AUTS2: variants seen among roughly 807,000 people sequenced by gnomAD.
The protein encoded by AUTS2 is activator of transcription and developmental regulator AUTS2, also known as autism susceptibility gene 2 protein.
In AUTS2, 17 loss-of-function variants were observed where a neutral mutation model predicts 112.4. The ratio of observed to expected loss-of-function variants is 0.15; its 90% CI spans 0.10 to 0.23. The LOEUF is 0.23. AUTS2 is among the 10% of genes least tolerant of loss of function. The pLI is 1.00. For missense variants in AUTS2, 1,510 were observed against 1,701.6 expected (o/e 0.89, Z 1.98); for synonymous variants, 751 against 702.7 (o/e 1.07, Z -1.09).
intron 5 of AUTS2, among the ~76,000 whole-genome samples, chr7:70,556,238 T>C (rs1311458248): frequency 6.6e-6 from 1 of 152,172 alleles, no homozygotes; most frequent in Non-Finnish European, 1.5e-5. Flanking sequence ...CCTCACTCAC[T>C]GTTATGAGGA....
intron 5 of AUTS2, among the ~76,000 whole-genome samples, chr7:70,647,748 C>T (rs1233468627): frequency 3.3e-5 from 5 of 152,192 alleles, no homozygotes; most frequent in Non-Finnish European, 7.3e-5. Context: ...CCTCCCTATT[C>T]CCTGAAGCTA....
intron 1 of AUTS2, among the ~76,000 whole-genome samples, chr7:69,868,562 C>T: frequency 6.6e-6 from 1 of 152,168 alleles, no homozygotes; most frequent in Non-Finnish European, 1.5e-5. Context: ...AAATCTTCCT[C>T]AGACCACATA....
chr7:69,853,342 T>C (rs1431311915), intron 1 of AUTS2, among the ~76,000 whole-genome samples: 1 of 152,186 alleles, frequency 6.6e-6, no homozygotes, highest in African/African-American at 2.4e-5. Flanking sequence ...GGGATTACTA[T>C]ATTTGCTTGA....
intron 1 of AUTS2, among the ~76,000 whole-genome samples, chr7:69,732,987 A>G (rs1786866009): frequency 6.6e-6 from 1 of 152,180 alleles, no homozygotes; most frequent in South Asian, 2.1e-4. Context: ...ATTTCTACTT[A>G]AGGGTGTCTT....
intron 4 of AUTS2, among the ~76,000 whole-genome samples, chr7:70,270,048 A>G (rs1787616547): frequency 6.6e-6 from 1 of 152,150 alleles, no homozygotes; most frequent in South Asian, 2.1e-4. Flanking sequence ...CAAAAAAAAC[A>G]AACAAAAACA....
intron 5 of AUTS2, among the ~76,000 whole-genome samples, chr7:70,602,394 C>T (rs1461254220): frequency 2.6e-5 from 4 of 152,284 alleles, no homozygotes; most frequent in East Asian, 1.9e-4. Flanking sequence ...GTGTTTTCAT[C>T]GGGCACTTTT....
intron 4 of AUTS2, among the ~76,000 whole-genome samples, chr7:70,361,565 T>C (rs1792269479): frequency 6.6e-6 from 1 of 152,182 alleles, no homozygotes; most frequent in African/African-American, 2.4e-5. Flanking sequence ...ACTAGGTTCC[T>C]AAGATGCCTT....
intron 4 of AUTS2, among the ~76,000 whole-genome samples, chr7:70,208,024 A>C (rs1212133783): frequency 2.6e-5 from 4 of 151,226 alleles, no homozygotes; most frequent in Non-Finnish European, 4.4e-5. Context: ...AAAAAAAAAA[A>C]AAAAAAAAAA....
intron 5 of AUTS2, among the ~76,000 whole-genome samples, chr7:70,695,906 AG>A (rs1258192145): frequency 3.9e-5 from 6 of 152,172 alleles, no homozygotes; most frequent in African/African-American, 1.4e-4. Flanking sequence ...AGGGGATGAA[AG>A]GAAGTGAGTA....
intron 5 of AUTS2, among the ~76,000 whole-genome samples, chr7:70,462,690 C>T (rs895079583): frequency 1.3e-5 from 2 of 152,110 alleles, no homozygotes; most frequent in African/African-American, 2.4e-5. Flanking sequence ...GGTGCAGTGG[C>T]TCACACCTGT....
intron 4 of AUTS2, among the ~76,000 whole-genome samples, chr7:70,310,837 T>C (rs1196142008): frequency 6.6e-6 from 1 of 152,188 alleles, no homozygotes; most frequent in East Asian, 1.9e-4. Flanking sequence ...GGTTTTTCCC[T>C]TAGAATACTT....
chr7:70,754,698 A>G (rs1416931044), intron 6 of AUTS2, among the ~76,000 whole-genome samples: 1 of 152,180 alleles, frequency 6.6e-6, no homozygotes, highest in Non-Finnish European at 1.5e-5. Context: ...TGGCTTTGTC[A>G]TTTGGACAGT....
intron 1 of AUTS2, among the ~76,000 whole-genome samples, chr7:69,830,512 A>G (rs939825551): frequency 6.6e-6 from 1 of 152,166 alleles, no homozygotes; most frequent in African/African-American, 2.4e-5. Context: ...CTTTGTCTAA[A>G]ATTCCTAATA....
At chr7:70,392,249 A>G (rs890463379) in intron 4 of AUTS2, among the ~76,000 whole-genome samples, 15 of 152,120 alleles carry the variant, frequency 9.9e-5, no homozygotes, top group African/African-American at 3.4e-4. Context: ...TTCCTAGCCC[A>G]TTGGAGAGAC....
chr7:70,234,688 T>C (rs1562808396), intron 4 of AUTS2, among the ~76,000 whole-genome samples: 1 of 152,180 alleles, frequency 6.6e-6, no homozygotes, highest in Non-Finnish European at 1.5e-5. Context: ...CAATTTGTAT[T>C]TGGCTATTTG....
chr7:70,154,465 C>G (rs1009243845), intron 4 of AUTS2, among the ~76,000 whole-genome samples: 3 of 151,998 alleles, frequency 2.0e-5, no homozygotes, highest in Non-Finnish European at 4.4e-5. Context: ...AAGATGGTAA[C>G]AATTGAAACT....
At chr7:70,228,134 G>GT (rs1168611211) in intron 4 of AUTS2, among the ~76,000 whole-genome samples, 1 of 151,638 alleles carries the variant, frequency 6.6e-6, no homozygotes, top group African/African-American at 2.4e-5. Context: ...TATCTTCTTG[G>GT]TGGGTAGACC....
At chr7:69,653,085 A>G (rs1795364315) in intron 1 of AUTS2, among the ~76,000 whole-genome samples, 1 of 152,206 alleles carries the variant, frequency 6.6e-6, no homozygotes, top group Non-Finnish European at 1.5e-5. Context: ...AGGTTCCTGC[A>G]TTGAAGGGAC....
intron 1 of AUTS2, among the ~76,000 whole-genome samples, chr7:69,684,659 C>G (rs559012033): frequency 1.3e-5 from 2 of 151,890 alleles, no homozygotes; most frequent in Admixed American, 6.6e-5. Context: ...GAGTAACTAG[C>G]GAAAAATAAT....
Sources: gnomAD v4.1 joint callset for allele counts (sites outside exome capture counted in the v4.1 genomes callset) on GRCh38, gnomAD v4.1.1 for gene constraint, MANE v1.5 for transcripts, NCBI Gene and HGNC (gene_info 2026-07-23, HGNC 2026-07-21) for gene names.